TMEM108: variants seen among roughly 807,000 people sequenced by gnomAD.
TMEM108 encodes the protein cancer/testis antigen 124.
TMEM108 carries 12 observed loss-of-function variants against 35.1 expected under a neutral mutation model. That is an observed-to-expected ratio of 0.34 (90% confidence interval 0.22 to 0.55). The LOEUF (loss-of-function observed/expected upper bound fraction) is 0.55, where lower values mean the gene tolerates loss of function less well. Among genes scored for constraint, TMEM108 ranks in the 20% least tolerant of loss-of-function variants. TMEM108 has a pLI of 0.89. For synonymous variants in TMEM108, 287 were observed against 308.6 expected (o/e 0.93, Z 0.73); for missense variants, 680 against 753.3 (o/e 0.90, Z 1.14).
chr3:133,357,535 A>C (rs2072210147), intron 3 of TMEM108, among the ~76,000 whole-genome samples: 1 of 152,218 alleles, frequency 6.6e-6, no homozygotes, highest in South Asian at 2.1e-4. Flanking sequence ...CTAAGTGCCC[A>C]CCAACCAACG....
intron 2 of TMEM108, among the ~76,000 whole-genome samples, chr3:133,094,241 C>CA (rs1943985271): frequency 7.8e-6 from 1 of 127,704 alleles, no homozygotes; most frequent in Admixed American, 7.9e-5. Context: ...CCACCCCCCC[C>CA]ACACACACGA....
At chr3:133,142,010 G>A (rs1443521060) in intron 2 of TMEM108, among the ~76,000 whole-genome samples, 1 of 152,134 alleles carries the variant, frequency 6.6e-6, no homozygotes, top group Non-Finnish European at 1.5e-5. Context: ...TGTGTGTTGA[G>A]TATTTAGGAA....
At chr3:133,289,760 G>A (rs1025829922) in intron 3 of TMEM108, among the ~76,000 whole-genome samples, 2 of 152,080 alleles carry the variant, frequency 1.3e-5, no homozygotes, top group Admixed American at 1.3e-4. Flanking sequence ...CTACTAAGTT[G>A]TTAGGCTATA....
At chr3:133,263,007 G>A (rs925708865) in intron 3 of TMEM108, among the ~76,000 whole-genome samples, 1 of 152,180 alleles carries the variant, frequency 6.6e-6, no homozygotes, top group Non-Finnish European at 1.5e-5. Context: ...ATTTTTGGAA[G>A]CTCTCTGTTG....
At chr3:133,344,125 A>G (rs2071745162) in intron 3 of TMEM108, among the ~76,000 whole-genome samples, 1 of 151,818 alleles carries the variant, frequency 6.6e-6, no homozygotes, top group Admixed American at 6.6e-5. Flanking sequence ...CATTCATTAA[A>G]AATTATTCTA....
intron 3 of TMEM108, among the ~76,000 whole-genome samples, chr3:133,287,272 T>TA (rs1187469260): frequency 6.6e-6 from 1 of 152,164 alleles, no homozygotes; most frequent in Non-Finnish European, 1.5e-5. Context: ...TAAAACCTTT[T>TA]AAAAAAAGGA....
intron 2 of TMEM108, among the ~76,000 whole-genome samples, chr3:133,224,490 A>T (rs917493867): frequency 2.0e-5 from 3 of 152,138 alleles, no homozygotes; most frequent in Non-Finnish European, 4.4e-5. Flanking sequence ...TATAATTCCC[A>T]CATGTTGTGG....
intron 2 of TMEM108, among the ~76,000 whole-genome samples, chr3:133,158,929 C>T (rs1944920954): frequency 6.6e-6 from 1 of 152,042 alleles, no homozygotes; most frequent in African/African-American, 2.4e-5. Context: ...AATAACAGCT[C>T]AGGCCATGTA....
chr3:133,378,598 C>G, intron 3 of TMEM108: 1 of 957,688 alleles, frequency 1.0e-6, no homozygotes, highest in Non-Finnish European at 1.2e-6. Context: ...CTTCCTCAGC[C>G]GTAGAGACAG....
intron 3 of TMEM108, among the ~76,000 whole-genome samples, chr3:133,241,003 C>T (rs1170252512): frequency 6.6e-6 from 1 of 152,052 alleles, no homozygotes; most frequent in African/African-American, 2.4e-5. Flanking sequence ...CAGTAGAATG[C>T]TCATTAATAC....
intron 2 of TMEM108, among the ~76,000 whole-genome samples, chr3:133,100,330 C>T (rs59835907): frequency 0.013 from 2,050 of 152,276 alleles, 33 homozygotes; most frequent in African/African-American, 0.046. Flanking sequence ...AACCATATCA[C>T]GGGTCATGCC....
chr3:133,369,904 G>A (rs1428266979), intron 3 of TMEM108, among the ~76,000 whole-genome samples: 3 of 152,078 alleles, frequency 2.0e-5, no homozygotes, highest in Non-Finnish European at 4.4e-5. Context: ...CCCACCCCAC[G>A]GGGTAGCCTT....
At chr3:133,262,293 CTGTTTCAACATAT>C (rs1946635537) in intron 3 of TMEM108, among the ~76,000 whole-genome samples, 1 of 152,192 alleles carries the variant, frequency 6.6e-6, no homozygotes. Context: ...CTCAGTGGAT[CTGTTTCAACATAT>C]TGTATCTATT....
intron 2 of TMEM108, among the ~76,000 whole-genome samples, chr3:133,074,512 C>T (rs541464873): frequency 4.8e-4 from 73 of 152,120 alleles, no homozygotes; most frequent in Non-Finnish European, 3.7e-4. Flanking sequence ...TTTTTTGAGA[C>T]GAAGTCTTGC....
Position 133,388,639 on chromosome 3 carries a change from T to G in TMEM108, c.1451-1541T>G. The G allele has an allele frequency of 3.0e-6, 3 of 985,420 alleles. No individual in the cohort carries two copies. In the South Asian group the frequency reaches 1.4e-4, roughly 46 times the overall value. 61.0% of individuals were successfully genotyped at this position (985,420 alleles called of 1,614,324 possible). ...AGAAGACTGAAAAGCAAATTAGAAG[T>G]CTTTTTGATCAAAGCAGATAAGATA... On this transcript the variant is annotated intron_variant, in intron 4 of 5. Transcript: ENST00000321871.
intron 3 of TMEM108, among the ~76,000 whole-genome samples, chr3:133,252,868 A>T (rs1946490888): frequency 6.6e-6 from 1 of 152,202 alleles, no homozygotes; most frequent in South Asian, 2.1e-4. Context: ...GAATGTGCAG[A>T]TGTGGAATCT....
At chr3:133,355,401 G>C (rs2072133147) in intron 3 of TMEM108, among the ~76,000 whole-genome samples, 1 of 152,174 alleles carries the variant, frequency 6.6e-6, no homozygotes, top group Non-Finnish European at 1.5e-5. Context: ...TGTGATGGGT[G>C]AATATTGGTT....
rs184105146 is a variant in TMEM108, at chr3:133,356,954, A to G, written c.41-22798A>G. Reference sequence around the variant, plus strand: ...ACCCAAAAGCAAATGCAACAAAAACATAAATAAATAGGACCTAATTAAACT... The same window carrying G: ...ACCCAAAAGCAAATGCAACAAAAACGTAAATAAATAGGACCTAATTAAACT... On this transcript the variant is annotated intron_variant, in intron 3 of 5. Transcript: ENST00000321871. Among the ~76,000 whole-genome samples the G allele has an allele frequency of 1.7e-3, 263 of 152,300 alleles. 1 individual carries two copies. Among genetic ancestry groups the G allele is most frequent in the South Asian group, 5.0e-3 (24 of 4,824 alleles).
At chr3:133,304,164 A>C (rs911811011) in intron 3 of TMEM108, among the ~76,000 whole-genome samples, 2 of 152,214 alleles carry the variant, frequency 1.3e-5, no homozygotes, top group Non-Finnish European at 2.9e-5. Flanking sequence ...AAAGGAGTTC[A>C]AGAAATGCTC....
Sources: allele counts gnomAD v4.1 joint callset (sites outside exome capture counted in the v4.1 genomes callset), GRCh38; gene constraint gnomAD v4.1.1; transcripts MANE v1.5; gene names NCBI Gene and HGNC (gene_info 2026-07-23, HGNC 2026-07-21).